The following SYT6 variants were observed in gnomAD, a reference collection of about 807,000 sequenced individuals.
The protein encoded by SYT6 is synaptotagmin 6.
SYT6 carries 24 observed loss-of-function variants against 38.4 expected under a neutral mutation model. That is an observed-to-expected ratio of 0.62 (90% CI 0.45 to 0.88). The LOEUF (loss-of-function observed/expected upper bound fraction) is 0.88. Ranked by LOEUF, SYT6 falls within the 40% of genes least tolerant of loss-of-function variation. The pLI is 0.00. For synonymous variants in SYT6, 265 were observed against 241.9 expected (o/e 1.10, Z -0.89); for missense variants, 611 against 621.0 (o/e 0.98, Z 0.17).
At chr1:114,124,491 G>C (rs1677610979) in intron 3 of SYT6, among the ~76,000 whole-genome samples, 1 of 152,112 alleles carries the variant, frequency 6.6e-6, no homozygotes, top group African/African-American at 2.4e-5. Context: ...GGGAGTGGTG[G>C]GGAGCTGGGG....
intron 3 of SYT6, among the ~76,000 whole-genome samples, chr1:114,128,681 A>G (rs1026880765): frequency 5.9e-5 from 9 of 152,200 alleles, no homozygotes; most frequent in African/African-American, 2.2e-4. Flanking sequence ...GATTGGTCAT[A>G]GCATCTAATA....
rs72690074 is a variant in SYT6, at chr1:114,111,951, G to A, written c.1072-8230C>T. ...TGATTCCCTGCTCCGCCTCAGGCCC[G>A]GGCTCCTAGGGCTTCAGCAAGAATG... On this transcript the variant is annotated intron_variant, in intron 3 of 7. Coordinates refer to ENST00000610222, the MANE Select transcript of SYT6 (RefSeq NM_001253772.2). 5.6e-3 allele frequency among the ~76,000 whole-genome samples: 856 copies of A among 152,270 alleles called. 2 individuals carry two copies. Among genetic ancestry groups the A allele is most frequent in the Non-Finnish European group, 8.9e-3 (605 of 68,012 alleles).
rs1009710639 is a variant in SYT6 at position 114,089,933 on chromosome 1, A to G, written c.*2201T>C. The stretch of plus-strand genomic sequence containing the variant: ...ATAAGAGGAATGTCTCAGATGAGCA[A>G]TACTATTGTGATTCACATTGATCAC... On this transcript the variant is annotated 3_prime_UTR_variant, in exon 8 of 8. Coordinates refer to ENST00000610222, the MANE Select transcript of SYT6 (RefSeq NM_001253772.2). 1 of 152,342 alleles carries G rather than the reference A, an allele frequency of 6.6e-6. No individual in the cohort carries two copies. The highest frequency in any genetic ancestry group is 6.5e-5 in the Admixed American group (1 of 15,278). The allele number at this position is 152,342 out of a possible 1,614,324, so 9.4% of individuals were successfully genotyped here.
intron 3 of SYT6, among the ~76,000 whole-genome samples, chr1:114,108,503 C>T (rs860917): frequency 6.6e-6 from 1 of 152,126 alleles, no homozygotes; most frequent in Non-Finnish European, 1.5e-5. Context: ...GGTCCTTGGG[C>T]TATAAAATGA....
intron 3 of SYT6, among the ~76,000 whole-genome samples, chr1:114,118,062 T>A (rs576783937): frequency 6.6e-6 from 1 of 152,078 alleles, no homozygotes; most frequent in South Asian, 2.1e-4. Context: ...TGACAATGCC[T>A]CACTGGAAGG....
chr1:114,101,419 T>G (rs1255029099), intron 4 of SYT6, among the ~76,000 whole-genome samples: 3 of 152,168 alleles, frequency 2.0e-5, no homozygotes, highest in African/African-American at 7.2e-5. Context: ...CAGCAGTGTA[T>G]TTCAGCCTCA....
At chr1:114,141,565 T>C (rs1469483441) in intron 1 of SYT6, among the ~76,000 whole-genome samples, 2 of 152,264 alleles carry the variant, frequency 1.3e-5, no homozygotes, top group Non-Finnish European at 2.9e-5. Context: ...CAAGTGCTGA[T>C]GTAGAAACTG....
rs1274841292 is a variant in SYT6, at chr1:114,091,215, T to G, written c.*919A>C. On this transcript the variant is annotated 3_prime_UTR_variant, in exon 8 of 8. Transcript: ENST00000610222. ...TCCAGAACATATGTTTCTCTCTTACTTTACAATCAAGATTATTTCTGAGGA... is the reference window on the plus strand; with the variant it reads ...TCCAGAACATATGTTTCTCTCTTACGTTACAATCAAGATTATTTCTGAGGA... 2 of 152,810 alleles carry G rather than the reference T, an allele frequency of 1.3e-5. No homozygotes were observed. Among genetic ancestry groups the G allele is most frequent in the Non-Finnish European group, 1.5e-5 (1 of 68,052 alleles). 9.5% of individuals were successfully genotyped at this position (152,810 alleles called of 1,614,324 possible).
chr1:114,097,357 G>T (rs974900252), intron 6 of SYT6, among the ~76,000 whole-genome samples: 1 of 152,230 alleles, frequency 6.6e-6, no homozygotes, highest in Admixed American at 6.5e-5. Context: ...TCTGACAGGG[G>T]TAGAATGTCT....
At chr1:114,153,275 G>A (rs927410266) in intron 1 of SYT6, among the ~76,000 whole-genome samples, 2 of 152,306 alleles carry the variant, frequency 1.3e-5, no homozygotes. Context: ...CCCCTCTCCT[G>A]GCAAATCGCC....
At chr1:114,104,999 A>ATCCCTCCC (rs1178145638) in intron 3 of SYT6, among the ~76,000 whole-genome samples, 1 of 149,348 alleles carries the variant, frequency 6.7e-6, no homozygotes, top group East Asian at 2.0e-4. Flanking sequence ...CTCCCTCCCG[A>ATCCCTCCC]CTCTAGTAGT....
Position 114,123,746 on chromosome 1 carries a change from T to C in SYT6, c.1071+13749A>G, listed in dbSNP as rs189442184. 9.1e-4 allele frequency among the ~76,000 whole-genome samples: 139 copies of C among 152,236 alleles called. 1 individual carries two copies. Among genetic ancestry groups the C allele is most frequent in the Non-Finnish European group, 1.8e-4 (12 of 68,018 alleles). On this transcript the variant is annotated intron_variant, in intron 3 of 7. Transcript: ENST00000610222. ...ACATCCCTGAAAGAGCCTGGTAATA[T>C]AAAAAAGAACTTCTTCAAATACTAA...
rs530546702 is a variant in SYT6 at position 114,115,456 on chromosome 1, G to A, written c.1072-11735C>T. ...TTTTTTTTGAGTGTCTCGCTCTGTC[G>A]CCCAGGCTGGACTGCAGTGGTGCGA... On this transcript the variant is annotated intron_variant, in intron 3 of 7. Transcript: ENST00000610222. Among the ~76,000 whole-genome samples the A allele has an allele frequency of 4.7e-5, 7 of 148,306 alleles. No individual in the cohort carries two copies. The East Asian group carries it at 1.2e-3, about 25-fold the overall frequency.
intron 3 of SYT6, among the ~76,000 whole-genome samples, chr1:114,136,419 G>A (rs1678486891): frequency 6.6e-6 from 1 of 152,230 alleles, no homozygotes; most frequent in Non-Finnish European, 1.5e-5. Flanking sequence ...CTGGAGCTTG[G>A]AGGGAATGCC....
chr1:114,153,689 G>T lies in SYT6; in HGVS notation c.84C>A (p.Pro28=), dbSNP rs1040530525. The T allele has an allele frequency of 1.5e-6, 1 of 674,668 alleles. No homozygotes were observed. The highest frequency in any genetic ancestry group is 2.7e-6 in the Non-Finnish European group (1 of 370,276). The allele number at this position is 674,668 out of a possible 1,614,324, so 41.8% of individuals were successfully genotyped here. The change falls in exon 1 of 8, where the codon CCC becomes CCA. Residue 28 remains proline (P), a synonymous_variant. Coordinates refer to ENST00000610222, the MANE Select transcript of SYT6 (RefSeq NM_001253772.2). ...AAGTCTCCACGTCCAGCCCGAGAGG[G>T]GGCGGCCGGGCCCGGCACAGCGAGG... ...VLASLCRARP[P]PLGLDVETCR...
chr1:114,112,414 T>C (rs867341030), intron 3 of SYT6, among the ~76,000 whole-genome samples: 1 of 152,374 alleles, frequency 6.6e-6, no homozygotes, highest in Non-Finnish European at 1.5e-5. Flanking sequence ...CAGCCTCCCC[T>C]TCGTGAACCT....
chr1:114,118,580 G>A (rs775976839), intron 3 of SYT6, among the ~76,000 whole-genome samples: 1 of 152,212 alleles, frequency 6.6e-6, no homozygotes, highest in Non-Finnish European at 1.5e-5. Context: ...GCCACAGCAC[G>A]CAGGCCATGC....
intron 3 of SYT6, among the ~76,000 whole-genome samples, chr1:114,128,455 C>T (rs1246119652): frequency 6.6e-6 from 1 of 152,222 alleles, no homozygotes; most frequent in Non-Finnish European, 1.5e-5. Context: ...TGGAACCAGC[C>T]TCTTGGCATA....
intron 1 of SYT6, among the ~76,000 whole-genome samples, chr1:114,148,038 C>T (rs1679243788): frequency 6.6e-6 from 1 of 152,186 alleles, no homozygotes; most frequent in Non-Finnish European, 1.5e-5. Flanking sequence ...TTGAGATCCC[C>T]TTCAAGGCCA....
Sources: gnomAD v4.1 joint callset for allele counts (sites outside exome capture counted in the v4.1 genomes callset) on GRCh38, gnomAD v4.1.1 for gene constraint, MANE v1.5 for transcripts, NCBI Gene and HGNC (gene_info 2026-07-23, HGNC 2026-07-21) for gene names.